Variants in MYO5B observed in about 807,000 individuals in gnomAD.
MYO5B encodes myosin VB, also known as unconventional myosin-Vb.
In MYO5B, 143 loss-of-function variants were observed where a neutral mutation model predicts 229.3. That is an observed-to-expected ratio of 0.62 (90% CI 0.54 to 0.72). MYO5B has a LOEUF of 0.72. MYO5B is among the 30% of genes least tolerant of loss of function. MYO5B has a pLI of 0.00. For missense variants in MYO5B, 2,321 were observed against 2,331.0 expected (o/e 1.00, Z 0.09); for synonymous variants, 918 against 885.2 (o/e 1.04, Z -0.66).
chr18:49,877,366 T>A (rs977642421), intron 25 of MYO5B, among the ~76,000 whole-genome samples: 6 of 152,322 alleles, frequency 3.9e-5, no homozygotes, highest in African/African-American at 1.4e-4. Flanking sequence ...GGCAATTTTC[T>A]TGTTTGTTTA....
chr18:49,921,306 C>G (rs1227569643), intron 17 of MYO5B, among the ~76,000 whole-genome samples: 2 of 149,642 alleles, frequency 1.3e-5, no homozygotes, highest in Non-Finnish European at 3.0e-5. Context: ...ACATTCCCCC[C>G]ACCACACACA....
rs551811692 is a variant in MYO5B, at chr18:49,885,792, T to C, written c.3046-5337A>G. Among the ~76,000 whole-genome samples, 10 of 152,228 alleles carry C rather than the reference T, an allele frequency of 6.6e-5. No homozygotes were observed. The South Asian group carries it at 2.1e-3, about 32-fold the overall frequency. On this transcript the variant is annotated intron_variant, in intron 22 of 39. Coordinates refer to ENST00000285039, the MANE Select transcript of MYO5B (RefSeq NM_001080467.3). ...CCAGGAACTCAGAAGGCAGCGACTC[T>C]CACTTAAAGGTGCCTCAGCTACTCT...
intron 22 of MYO5B, among the ~76,000 whole-genome samples, chr18:49,881,660 G>A (rs575952694): frequency 1.3e-5 from 2 of 152,104 alleles, no homozygotes; most frequent in South Asian, 2.1e-4. Flanking sequence ...AAATTAGCCA[G>A]GCATGGTGTT....
Position 50,153,312 on chromosome 18 carries a change from C to T in MYO5B, c.27+41455G>A, listed in dbSNP as rs865837131. On this transcript the variant is annotated intron_variant, in intron 1 of 39. Transcript: ENST00000285039. Reference sequence around the variant, plus strand: ...GTGTTAACTTCAAAATAGTGACTTTCAAGCTAGGAAGGATCCCCTGTGCAA... The same window carrying T: ...GTGTTAACTTCAAAATAGTGACTTTTAAGCTAGGAAGGATCCCCTGTGCAA... 1.5e-4 allele frequency among the ~76,000 whole-genome samples: 23 copies of T among 152,280 alleles called. 1 individual carries two copies. In the South Asian group the frequency reaches 4.6e-3, roughly 30 times the overall value.
intron 4 of MYO5B, among the ~76,000 whole-genome samples, chr18:50,002,430 G>T (rs935996539): frequency 6.6e-6 from 1 of 152,122 alleles, no homozygotes; most frequent in Non-Finnish European, 1.5e-5. Context: ...GCAACGGAAA[G>T]AACAGCTCAG....
intron 17 of MYO5B, among the ~76,000 whole-genome samples, chr18:49,916,101 A>G (rs936650440): frequency 2.0e-5 from 3 of 152,238 alleles, no homozygotes; most frequent in Non-Finnish European, 4.4e-5. Context: ...GGCACTGCCC[A>G]CATTATACAC....
intron 4 of MYO5B, among the ~76,000 whole-genome samples, chr18:50,002,756 A>C (rs1470056681): frequency 6.6e-6 from 1 of 152,160 alleles, no homozygotes; most frequent in Non-Finnish European, 1.5e-5. Context: ...ATATATCACT[A>C]AACTGGAAGC....
chr18:49,893,543 G>A (rs143244366), intron 22 of MYO5B, among the ~76,000 whole-genome samples: 8 of 152,360 alleles, frequency 5.3e-5, no homozygotes, highest in African/African-American at 1.9e-4. Context: ...CATGTCTCAT[G>A]GTGGGCAGGC....
chr18:49,869,267 T>A (rs151244649), intron 27 of MYO5B, among the ~76,000 whole-genome samples: 8 of 152,268 alleles, frequency 5.3e-5, no homozygotes, highest in African/African-American at 1.9e-4. Flanking sequence ...CAATTTCCAT[T>A]ATTATAAAAA....
chr18:49,857,605 A>C (rs772427402), intron 29 of MYO5B, among the ~76,000 whole-genome samples: 1 of 152,206 alleles, frequency 6.6e-6, no homozygotes, highest in Non-Finnish European at 1.5e-5. Flanking sequence ...GAACTGAATG[A>C]TGTCTCCCCT....
In MYO5B at chr18:49,962,348, AT is replaced by A. The variant is rs746208669; in HGVS notation, c.1462del (p.Ile488LeufsTer93). 3.7e-6 allele frequency: 6 copies of A among 1,614,096 alleles called. No individual in the cohort carries two copies. The African/African-American group carries it at 8.0e-5, about 22-fold the overall frequency. On this transcript the variant is annotated frameshift_variant, in exon 12 of 40. Transcript: ENST00000285039. LOFTEE classifies it high-confidence loss of function. ...YMKEQIPWTL[I>X]DFYDNQPCID... ...ACAAGGTTGGTTATCATAAAAATCAATCAGGGTCCAAGGGATCTGTTCCTTC... is the reference window on the plus strand; with the variant it reads ...ACAAGGTTGGTTATCATAAAAATCAACAGGGTCCAAGGGATCTGTTCCTTC...
At chr18:49,832,940 G>A (rs573385671) in intron 39 of MYO5B, among the ~76,000 whole-genome samples, 10 of 152,158 alleles carry the variant, frequency 6.6e-5, no homozygotes, top group South Asian at 2.1e-4. Context: ...GGTTTGCTGC[G>A]TTTATTATCA....
chr18:50,007,150 T>C (rs2026110379), intron 4 of MYO5B, among the ~76,000 whole-genome samples: 1 of 152,190 alleles, frequency 6.6e-6, no homozygotes, highest in Admixed American at 6.5e-5. Context: ...GGGCTCGCTG[T>C]TGGCAGGCTC....
intron 4 of MYO5B, among the ~76,000 whole-genome samples, chr18:50,034,796 C>T (rs1598968537): frequency 6.6e-6 from 1 of 152,130 alleles, no homozygotes; most frequent in Admixed American, 6.5e-5. Flanking sequence ...AAGCTCTCCC[C>T]TGTGGCCACA....
chr18:50,160,150 A>C (rs1309465951), intron 1 of MYO5B, among the ~76,000 whole-genome samples: 2 of 152,266 alleles, frequency 1.3e-5, no homozygotes, highest in Non-Finnish European at 2.9e-5. Flanking sequence ...ATCCACCGTA[A>C]GCATGGAAGC....
intron 29 of MYO5B, among the ~76,000 whole-genome samples, chr18:49,861,104 C>G (rs1207162991): frequency 2.0e-5 from 3 of 152,254 alleles, no homozygotes; most frequent in Non-Finnish European, 2.9e-5. Context: ...GCTGGCTCTT[C>G]AGGCCTCCAC....
At chr18:50,090,782 T>C (rs924802743) in intron 1 of MYO5B, among the ~76,000 whole-genome samples, 1 of 152,028 alleles carries the variant, frequency 6.6e-6, no homozygotes, top group African/African-American at 2.4e-5. Context: ...CTTGGATCCA[T>C]CCAGAAAGAG....
chr18:49,953,420 G>A (rs978745035), intron 13 of MYO5B, 77 bp from the exon 14 acceptor site: 2 of 1,316,018 alleles, frequency 1.5e-6, no homozygotes, highest in Admixed American at 1.7e-5. Context: ...TCTCATCCAG[G>A]TAGCATTTTC....
chr18:49,908,936 A>G (rs554030498), intron 18 of MYO5B, among the ~76,000 whole-genome samples: 3 of 152,316 alleles, frequency 2.0e-5, no homozygotes, highest in South Asian at 2.1e-4. Flanking sequence ...TTTCTCCCCT[A>G]AACAACCACA....
Sources: allele counts gnomAD v4.1 joint callset (sites outside exome capture counted in the v4.1 genomes callset), GRCh38; gene constraint gnomAD v4.1.1; transcripts MANE v1.5; gene names NCBI Gene and HGNC (gene_info 2026-07-23, HGNC 2026-07-21).